MSI2: variants seen among roughly 807,000 people sequenced by gnomAD.
MSI2 encodes the protein RNA-binding protein Musashi homolog 2.
Under a neutral mutation model 45.6 loss-of-function variants are expected in MSI2, and 17 were observed. The ratio of observed to expected loss-of-function variants is 0.37; its 90% CI spans 0.26 to 0.56. MSI2 has a LOEUF of 0.56. Ranked by LOEUF, MSI2 falls within the 20% of genes least tolerant of loss-of-function variation. The probability of loss-of-function intolerance (pLI) is 0.77; values close to 1 mark genes in which losing one functional copy is unlikely to be tolerated. For missense variants in MSI2, 293 were observed against 444.2 expected (o/e 0.66, Z 3.06); for synonymous variants, 156 against 158.2 (o/e 0.99, Z 0.11).
intron 5 of MSI2, among the ~76,000 whole-genome samples, chr17:57,393,371 C>T (rs1254090289): frequency 2.6e-5 from 4 of 152,232 alleles, no homozygotes; most frequent in African/African-American, 9.6e-5. Flanking sequence ...GATACCCAAA[C>T]TGTAATACGT....
intron 5 of MSI2, among the ~76,000 whole-genome samples, chr17:57,383,214 C>T (rs1052029541): frequency 6.6e-6 from 1 of 152,136 alleles, no homozygotes; most frequent in African/African-American, 2.4e-5. Context: ...TTAGATGTAC[C>T]CTGAGTTTTA....
At chr17:57,685,563 G>C (rs1023189864), downstream of MSI2, 7 of 152,202 alleles carry the variant, frequency 4.6e-5, no homozygotes, top group Non-Finnish European at 7.3e-5. Flanking sequence ...AAACCAGCTA[G>C]ACAGGTTCTT....
intron 6 of MSI2, among the ~76,000 whole-genome samples, chr17:57,440,962 C>T (rs746285414): frequency 1.2e-4 from 19 of 152,196 alleles, no homozygotes; most frequent in Non-Finnish European, 2.1e-4. Context: ...GGGGCCATCC[C>T]GGGTGGGAGC....
intron 5 of MSI2, among the ~76,000 whole-genome samples, chr17:57,357,603 C>T (rs185237376): frequency 1.7e-4 from 26 of 152,262 alleles, no homozygotes; most frequent in African/African-American, 6.0e-4. Flanking sequence ...TTAACGATGA[C>T]GCTGGTGGGA....
chr17:57,561,996 T>A (rs1047046639), intron 7 of MSI2, among the ~76,000 whole-genome samples: 11 of 152,220 alleles, frequency 7.2e-5, no homozygotes, highest in African/African-American at 2.7e-4. Flanking sequence ...TCTCTGACCC[T>A]CTCTGATTTT....
chr17:57,337,649 G>T (rs1476282866), intron 5 of MSI2, among the ~76,000 whole-genome samples: 1 of 152,196 alleles, frequency 6.6e-6, no homozygotes, highest in Non-Finnish European at 1.5e-5. Flanking sequence ...TAGCTGGACG[G>T]TGACTCGGGC....
At chr17:57,355,914 C>T (rs949614892) in intron 5 of MSI2, among the ~76,000 whole-genome samples, 27 of 152,324 alleles carry the variant, frequency 1.8e-4, no homozygotes, top group African/African-American at 6.3e-4. Flanking sequence ...GCTATGTTTC[C>T]CAGGCTAGAG....
chr17:57,273,092 C>T (rs572130868), intron 5 of MSI2, among the ~76,000 whole-genome samples: 1 of 152,266 alleles, frequency 6.6e-6, no homozygotes, highest in Admixed American at 6.5e-5. Context: ...AGGATGCTTG[C>T]ACCTAGGAGA....
intron 6 of MSI2, among the ~76,000 whole-genome samples, chr17:57,484,067 C>T (rs183182413): frequency 6.6e-6 from 1 of 152,336 alleles, no homozygotes; most frequent in Admixed American, 6.5e-5. Context: ...TACTGGGTGG[C>T]AGGGATGGAA....
chr17:57,677,119 C>G, intron 13 of MSI2, 60 bp downstream of exon 13: 41 of 1,115,914 alleles, frequency 3.7e-5, no homozygotes, highest in Non-Finnish European at 5.5e-5. Flanking sequence ...TGTATGTCCA[C>G]AGGTCATACA....
intron 6 of MSI2, among the ~76,000 whole-genome samples, chr17:57,437,888 T>G (rs2084719152): frequency 6.6e-6 from 1 of 152,132 alleles, no homozygotes; most frequent in African/African-American, 2.4e-5. Flanking sequence ...GCAACAATGG[T>G]CTCACCTTCA....
At chr17:57,345,675 C>T (rs1433969326) in intron 5 of MSI2, among the ~76,000 whole-genome samples, 6 of 151,832 alleles carry the variant, frequency 4.0e-5, no homozygotes, top group Admixed American at 1.3e-4. Flanking sequence ...AAAAATTACC[C>T]GGGTGTGGTG....
At chr17:57,386,154 G>A (rs548727635) in intron 5 of MSI2, among the ~76,000 whole-genome samples, 10 of 152,252 alleles carry the variant, frequency 6.6e-5, no homozygotes, top group African/African-American at 2.4e-4. Context: ...ATCACCAGCT[G>A]TGCGTGTCCA....
intron 6 of MSI2, among the ~76,000 whole-genome samples, chr17:57,509,363 A>G (rs1215518404): frequency 6.6e-6 from 1 of 152,158 alleles, no homozygotes; most frequent in Non-Finnish European, 1.5e-5. Context: ...GCCGCCCACA[A>G]ATGGAAGAAT....
chr17:57,485,606 G>A (rs999461339), intron 6 of MSI2, among the ~76,000 whole-genome samples: 1 of 152,166 alleles, frequency 6.6e-6, no homozygotes, highest in Non-Finnish European at 1.5e-5. Context: ...GGTTCAACGG[G>A]CTCCCTTCCT....
At chr17:57,444,093 C>G (rs1197573957) in intron 6 of MSI2, among the ~76,000 whole-genome samples, 1 of 152,130 alleles carries the variant, frequency 6.6e-6, no homozygotes, top group African/African-American at 2.4e-5. Flanking sequence ...TTCCCCTCAC[C>G]CCAAACCCTT....
chr17:57,396,475 T>C (rs1401445799), intron 5 of MSI2, among the ~76,000 whole-genome samples: 1 of 151,476 alleles, frequency 6.6e-6, no homozygotes, highest in Non-Finnish European at 1.5e-5. Context: ...ATACAAACAG[T>C]GGTCCCATTC....
chr17:57,534,717 C>T (rs2086888055), intron 7 of MSI2, among the ~76,000 whole-genome samples: 1 of 152,092 alleles, frequency 6.6e-6, no homozygotes, highest in Admixed American at 6.6e-5. Flanking sequence ...CTCCGTCTCA[C>T]AAAAATATAA....
At chr17:57,499,449 G>A (rs1323765138) in intron 6 of MSI2, among the ~76,000 whole-genome samples, 1 of 150,334 alleles carries the variant, frequency 6.7e-6, no homozygotes, top group Admixed American at 6.6e-5. Context: ...CAACACACAT[G>A]TTTTTCTAAA....
Sources: gnomAD v4.1 joint callset for allele counts (sites outside exome capture counted in the v4.1 genomes callset) on GRCh38, gnomAD v4.1.1 for gene constraint, MANE v1.5 for transcripts, NCBI Gene and HGNC (gene_info 2026-07-23, HGNC 2026-07-21) for gene names.